Variants in SLC7A2 observed in about 807,000 individuals in gnomAD.
SLC7A2 encodes solute carrier family 7 member 2.
Under a neutral mutation model 58.9 loss-of-function variants are expected in SLC7A2, and 48 were observed. The observed-to-expected ratio is 0.82, with a 90% CI of 0.65 to 1.04. SLC7A2 has a LOEUF of 1.04. Among genes scored for constraint, SLC7A2 ranks in the 50% least tolerant of loss-of-function variants. The probability of loss-of-function intolerance (pLI) is 0.00; values close to 1 mark genes in which losing one functional copy is unlikely to be tolerated. For synonymous variants in SLC7A2, 363 were observed against 314.5 expected, an observed-to-expected ratio of 1.15 and a Z score of -1.63; for missense variants, 1,029 against 818.8, an observed-to-expected ratio of 1.26 and a Z score of -3.13.
chr8:17,505,830 G>A (rs888819128), intron 2 of SLC7A2, among the ~76,000 whole-genome samples: 23 of 152,164 alleles, frequency 1.5e-4, no homozygotes, highest in Non-Finnish European at 2.2e-4. Context: ...ACTTACAGTT[G>A]AGTAGAACTG....
At chr8:17,509,169 C>T (rs1483453749) in intron 2 of SLC7A2, among the ~76,000 whole-genome samples, 1 of 152,140 alleles carries the variant, frequency 6.6e-6, no homozygotes, top group Non-Finnish European at 1.5e-5. Context: ...TAATGCATTG[C>T]ATATTGGACC....
At chr8:17,508,721 AT>A (rs1272573365) in intron 2 of SLC7A2, among the ~76,000 whole-genome samples, 1 of 152,090 alleles carries the variant, frequency 6.6e-6, no homozygotes, top group Non-Finnish European at 1.5e-5. Flanking sequence ...CTCAAAAAAA[AT>A]AAAAATAAAA....
chr8:17,500,482 G>A (rs1800109637), intron 1 of SLC7A2: 1 of 152,136 alleles, frequency 6.6e-6, no homozygotes, highest in African/African-American at 2.4e-5. Flanking sequence ...AGACCAGCCT[G>A]GCCAACATGG....
Position 17,498,963 on chromosome 8 carries a change from C to T in SLC7A2, c.-69+1726C>T, listed in dbSNP as rs1470460475. 3 of 152,144 alleles carry T rather than the reference C, an allele frequency of 2.0e-5. No individual in the cohort carries two copies. The East Asian group carries it at 5.8e-4, about 29-fold the overall frequency. The allele number at this position is 152,144 out of a possible 1,614,324, so 9.4% of individuals were successfully genotyped here. On this transcript the variant is annotated intron_variant, in intron 1 of 12. Transcript: ENST00000494857. ...CATCTTGCATTCTCATGTATCTTTG[C>T]CTTTTGAACACATGTGCCTGAAGAA...
At chr8:17,517,659 C>A (rs1858713) in intron 2 of SLC7A2, among the ~76,000 whole-genome samples, 101,476 of 151,738 alleles carry the variant, frequency 0.67, 34,320 homozygotes, top group South Asian at 0.73. Context: ...TATTGCTTAC[C>A]TTTAATAACT....
rs542935339 is a variant in SLC7A2, at chr8:17,565,048, G to T, written c.1879G>T (p.Ala627Ser). The T allele has an allele frequency of 6.2e-7, 1 of 1,613,750 alleles. No homozygotes were observed. Among genetic ancestry groups the T allele is most frequent in the South Asian group, 1.1e-5 (1 of 91,052 alleles). Residue 627 changes from alanine to serine, a missense_variant, in exon 13 of 13, where the codon GCA becomes TCA. Physicochemically the swap from Ala to Ser is moderately conservative, Grantham distance 99. Transcript: ENST00000494857. ...AGATGCTTATCCAGACAACGTTCAT[G>T]CAGCAGCAGAAGAAAAATCTGCCAT... ...EEDAYPDNVH[A>S]AAEEKSAIQA... is the part of the protein sequence containing the mutation.
chr8:17,565,597 CT>C lies in SLC7A2; in HGVS notation c.*453del, dbSNP rs1242520427. ...GTTGGGGAAATACTAGTAGCTTTACCTTGTTTGACTTCATTAATGTCAGTTT... is the reference window on the plus strand; with the variant it reads ...GTTGGGGAAATACTAGTAGCTTTACCTGTTTGACTTCATTAATGTCAGTTT... On this transcript the variant is annotated 3_prime_UTR_variant, in exon 13 of 13. Coordinates refer to ENST00000494857, the MANE Select transcript of SLC7A2 (RefSeq NM_001370338.1). 1 of 154,096 alleles carries C rather than the reference CT, an allele frequency of 6.5e-6. No individual in the cohort carries two copies. Among genetic ancestry groups the C allele is most frequent in the Non-Finnish European group, 1.4e-5 (1 of 69,316 alleles). 9.5% of individuals were successfully genotyped at this position (154,096 alleles called of 1,614,324 possible).
At chr8:17,512,339 G>C (rs938032779) in intron 2 of SLC7A2, among the ~76,000 whole-genome samples, 4 of 152,136 alleles carry the variant, frequency 2.6e-5, no homozygotes, top group Non-Finnish European at 5.9e-5. Context: ...CTGAGGTCAG[G>C]AGTTTAAGAC....
intron 2 of SLC7A2, among the ~76,000 whole-genome samples, chr8:17,503,230 C>T (rs2517227): frequency 0.96 from 146,332 of 151,960 alleles, 70,659 homozygotes; most frequent in East Asian, 1. Context: ...TTTTGTATTT[C>T]TAGTAGAGAC....
rs571445272 is a variant in SLC7A2, at chr8:17,555,781, T to C, written c.1195+1082T>C. Among the ~76,000 whole-genome samples, 9 of 152,314 alleles carry C rather than the reference T, an allele frequency of 5.9e-5. No homozygotes were observed. In the South Asian group the frequency reaches 1.9e-3, roughly 32 times the overall value. ...GTCTTTTGGCACATCTTAATATCCA[T>C]GTAAAATACCTTTGGCCAGATCCTT... On this transcript the variant is annotated intron_variant, in intron 8 of 12. Transcript: ENST00000494857.
At position 17,554,611 on chromosome 8, in the gene SLC7A2, G is replaced by A. The variant is rs768042042; in HGVS notation, c.1107G>A (p.Glu369=). 4 of 1,613,426 alleles carry A rather than the reference G, an allele frequency of 2.5e-6. No individual in the cohort carries two copies. The highest frequency in any genetic ancestry group is 2.2e-5 in the South Asian group (2 of 90,948). Reference sequence around the variant, plus strand: ...CTCGTGTAATCTATGCTATGGCGGAGGATGGGTTGCTTTTCAAATGTCTAG... The same window carrying A: ...CTCGTGTAATCTATGCTATGGCGGAAGATGGGTTGCTTTTCAAATGTCTAG... The part of the protein sequence containing the change: ...PMPRVIYAMA[E]DGLLFKCLAQ... Residue 369 remains glutamate, a synonymous_variant, in exon 8 of 13, where the codon GAG becomes GAA. Transcript: ENST00000494857.
At chr8:17,548,904 G>T in intron 5 of SLC7A2, 61 bp downstream of exon 5, 2 of 1,378,690 alleles carry the variant, frequency 1.5e-6, no homozygotes, top group South Asian at 1.3e-5. Context: ...TTAAGTGGGT[G>T]TATTAGTTCA....
intron 11 of SLC7A2, 151 bp from the exon 12 acceptor site, chr8:17,563,452 T>G: frequency 1.8e-6 from 1 of 570,292 alleles, no homozygotes; most frequent in South Asian, 2.4e-5. Context: ...AAGATGTGAT[T>G]CTCCTTTTAT....
At chr8:17,515,902 G>A (rs1343998498) in intron 2 of SLC7A2, among the ~76,000 whole-genome samples, 1 of 152,136 alleles carries the variant, frequency 6.6e-6, no homozygotes, top group Non-Finnish European at 1.5e-5. Context: ...CTTCTTATGG[G>A]TAGGAACACT....
At chr8:17,524,740 C>T (rs1801156767) in intron 2 of SLC7A2, among the ~76,000 whole-genome samples, 1 of 152,076 alleles carries the variant, frequency 6.6e-6, no homozygotes, top group East Asian at 1.9e-4. Context: ...CACCTGAAAT[C>T]ACCGCTGAAG....
Position 17,565,761 on chromosome 8 carries a change from G to A in SLC7A2, c.*615G>A, listed in dbSNP as rs1803238543. On this transcript the variant is annotated 3_prime_UTR_variant, in exon 13 of 13. Coordinates refer to ENST00000494857, the MANE Select transcript of SLC7A2 (RefSeq NM_001370338.1). ...TAATGCAAATTTTTTTTCCTGTGAG[G>A]TATGACAGTTTGCTCAAACTTCAGC... is the stretch of plus-strand genomic sequence containing the variant. 6.6e-6 allele frequency: 1 copy of A among 152,324 alleles called. No homozygotes were observed. Among genetic ancestry groups the A allele is most frequent in the African/African-American group, 2.4e-5 (1 of 41,464 alleles). 9.4% of individuals were successfully genotyped at this position (152,324 alleles called of 1,614,324 possible).
At chr8:17,558,552 G>A (rs1013433012) in intron 9 of SLC7A2, among the ~76,000 whole-genome samples, 155 bp downstream of exon 9, 5 of 152,190 alleles carry the variant, frequency 3.3e-5, no homozygotes, top group African/African-American at 9.7e-5. Context: ...TGGAAGAAGC[G>A]TATCTGGTCT....
At position 17,554,717 on chromosome 8, in the gene SLC7A2, TTTC is replaced by T. The variant is rs774640155; in HGVS notation, c.1195+22_1195+24del. 207 of 1,597,150 alleles carry T rather than the reference TTTC, an allele frequency of 1.3e-4. No homozygotes were observed. The highest frequency in any genetic ancestry group is 1.7e-4 in the Non-Finnish European group (198 of 1,173,548). On this transcript the variant is annotated intron_variant, in intron 8 of 12. Coordinates refer to ENST00000494857, the MANE Select transcript of SLC7A2 (RefSeq NM_001370338.1). ...AGTGGCAGGTGAGAGAGAGTTGACT[TTTC>T]TTCAGAAACGGGGGATCTTTTTCAT...
chr8:17,560,898 T>A (rs1248416629), intron 10 of SLC7A2, among the ~76,000 whole-genome samples: 1 of 152,148 alleles, frequency 6.6e-6, no homozygotes, highest in Non-Finnish European at 1.5e-5. Context: ...AAAATCCTTG[T>A]TTGTTTACCC....
Sources: allele counts gnomAD v4.1 joint callset (sites outside exome capture counted in the v4.1 genomes callset), GRCh38; gene constraint gnomAD v4.1.1; transcripts MANE v1.5; gene names NCBI Gene and HGNC (gene_info 2026-07-23, HGNC 2026-07-21).